TMEM132C: variants seen among roughly 807,000 people sequenced by gnomAD.
TMEM132C encodes protein phosphatase 1, regulatory subunit 152.
TMEM132C carries 29 observed loss-of-function variants against 61.4 expected under a neutral mutation model. The ratio of observed to expected loss-of-function variants is 0.47; its 90% CI spans 0.35 to 0.64. TMEM132C has a LOEUF of 0.64. TMEM132C is among the 30% of genes least tolerant of loss of function. The pLI is 0.00. For synonymous variants in TMEM132C, 656 were observed against 633.1 expected (o/e 1.04, Z -0.54); for missense variants, 1,408 against 1,476.9 (o/e 0.95, Z 0.76).
intron 2 of TMEM132C, among the ~76,000 whole-genome samples, chr12:128,501,234 G>GC (rs763011175): frequency 5.3e-5 from 8 of 152,112 alleles, no homozygotes; most frequent in Non-Finnish European, 7.4e-5. Context: ...GACTGATGCA[G>GC]CCATTCTTGT....
chr12:128,590,197 T>A (rs1030686499), intron 3 of TMEM132C, among the ~76,000 whole-genome samples: 1 of 152,174 alleles, frequency 6.6e-6, no homozygotes, highest in African/African-American at 2.4e-5. Flanking sequence ...AAGTCAGAGT[T>A]AGTGCATTCA....
At chr12:128,568,748 C>T (rs889902349) in intron 3 of TMEM132C, among the ~76,000 whole-genome samples, 2 of 152,088 alleles carry the variant, frequency 1.3e-5, no homozygotes, top group African/African-American at 2.4e-5. Flanking sequence ...GAGGTGGACG[C>T]ACAAAACAGG....
At chr12:128,628,873 T>A (rs1286675281) in intron 4 of TMEM132C, among the ~76,000 whole-genome samples, 2 of 152,250 alleles carry the variant, frequency 1.3e-5, no homozygotes, top group East Asian at 3.8e-4. Context: ...TTGTTTGGTA[T>A]ATGATTATGG....
intron 5 of TMEM132C, among the ~76,000 whole-genome samples, chr12:128,691,644 C>T (rs574630934): frequency 1.3e-5 from 2 of 152,372 alleles, no homozygotes; most frequent in African/African-American, 4.8e-5. Context: ...ACCCATTTAT[C>T]CACCAGCCAT....
intron 2 of TMEM132C, among the ~76,000 whole-genome samples, chr12:128,434,924 T>C (rs1869529978): frequency 6.6e-6 from 1 of 152,156 alleles, no homozygotes; most frequent in South Asian, 2.1e-4. Flanking sequence ...AGCCGGCCCA[T>C]ATAATTTATA....
chr12:128,573,349 A>G (rs1014738010), intron 3 of TMEM132C, among the ~76,000 whole-genome samples: 3 of 152,110 alleles, frequency 2.0e-5, no homozygotes, highest in Non-Finnish European at 2.9e-5. Flanking sequence ...AACTATCACA[A>G]GGACAGAAAA....
chr12:128,356,272 C>A (rs189435537), intron 1 of TMEM132C, among the ~76,000 whole-genome samples: 149 of 152,290 alleles, frequency 9.8e-4, no homozygotes, highest in African/African-American at 3.5e-3. Context: ...GGGATCGGAG[C>A]CCCACTGAGT....
chr12:128,671,061 G>C (rs570532793), intron 5 of TMEM132C, among the ~76,000 whole-genome samples: 1 of 152,122 alleles, frequency 6.6e-6, no homozygotes, highest in Admixed American at 6.5e-5. Flanking sequence ...GTAGGGGTTG[G>C]CAAACCATGA....
chr12:128,353,462 G>A (rs569486277), intron 1 of TMEM132C, among the ~76,000 whole-genome samples: 12 of 152,304 alleles, frequency 7.9e-5, no homozygotes, highest in Admixed American at 4.6e-4. Flanking sequence ...TCCTGGAAAT[G>A]CAGTGGCAGC....
intron 1 of TMEM132C, among the ~76,000 whole-genome samples, chr12:128,376,585 A>G (rs1043633127): frequency 3.9e-5 from 6 of 152,220 alleles, no homozygotes; most frequent in Admixed American, 6.5e-5. Flanking sequence ...GTGGATGCCA[A>G]CATGTGATGA....
chr12:128,571,891 T>C (rs550137134), intron 3 of TMEM132C, among the ~76,000 whole-genome samples: 3 of 152,334 alleles, frequency 2.0e-5, no homozygotes, highest in African/African-American at 7.2e-5. Context: ...TTCTTAGATA[T>C]AAATCAAGTG....
intron 2 of TMEM132C, among the ~76,000 whole-genome samples, chr12:128,525,089 G>C (rs868611484): frequency 2.4e-4 from 37 of 152,230 alleles, no homozygotes; most frequent in African/African-American, 8.9e-4. Context: ...TCTAAGAGAA[G>C]CCTGATGCTG....
intron 2 of TMEM132C, among the ~76,000 whole-genome samples, chr12:128,531,368 A>C (rs545517331): frequency 1.3e-5 from 2 of 152,322 alleles, no homozygotes; most frequent in African/African-American, 4.8e-5. Context: ...GATGAAAAAG[A>C]GCGCTCAATT....
intron 2 of TMEM132C, among the ~76,000 whole-genome samples, chr12:128,470,636 C>G (rs1025396029): frequency 6.6e-6 from 1 of 152,154 alleles, no homozygotes; most frequent in African/African-American, 2.4e-5. Flanking sequence ...ATGAACTACA[C>G]GCAGCTGCAT....
chr12:128,587,833 G>A (rs1175266700), intron 3 of TMEM132C, among the ~76,000 whole-genome samples: 1 of 152,154 alleles, frequency 6.6e-6, no homozygotes, highest in African/African-American at 2.4e-5. Context: ...AAAGTGAGTC[G>A]ATTTACAGAG....
chr12:128,346,843 T>G (rs967397956), intron 1 of TMEM132C, among the ~76,000 whole-genome samples: 6 of 152,322 alleles, frequency 3.9e-5, no homozygotes, highest in African/African-American at 1.4e-4. Context: ...ATTCTACTGA[T>G]CTGTATGTCT....
Position 128,705,918 on chromosome 12 carries a change from A to G in TMEM132C, c.2950A>G (p.Met984Val). The change falls in exon 9 of 9, where the codon ATG becomes GTG. Residue 984 changes from methionine to valine, a missense_variant. Physicochemically the swap from Met to Val is conservative, Grantham distance 21. Coordinates refer to ENST00000435159, the MANE Select transcript of TMEM132C (RefSeq NM_001136103.3). ...CAATGAGGCCGAACTCCTGGAGAGC[A>G]TGGGGGATGCGCCGCCGCCCCAGGA... is the stretch of plus-strand genomic sequence containing the variant. ...LGNEAELLES[M>V]GDAPPPQDEH... The G allele has an allele frequency of 1.3e-6, 2 of 1,551,416 alleles. No individual in the cohort carries two copies. Among genetic ancestry groups the G allele is most frequent in the Non-Finnish European group, 1.7e-6 (2 of 1,146,970 alleles).
intron 2 of TMEM132C, among the ~76,000 whole-genome samples, chr12:128,483,797 A>G (rs147880052): frequency 2.0e-5 from 3 of 152,160 alleles, no homozygotes; most frequent in African/African-American, 7.2e-5. Context: ...AACGTATTTC[A>G]TTGTCACTGC....
intron 2 of TMEM132C, among the ~76,000 whole-genome samples, chr12:128,447,196 C>A (rs1044433931): frequency 6.6e-6 from 1 of 152,146 alleles, no homozygotes; most frequent in Non-Finnish European, 1.5e-5. Context: ...CGCCTGTGTC[C>A]ACTTACTTAA....
Sources: gnomAD v4.1 joint callset for allele counts (sites outside exome capture counted in the v4.1 genomes callset) on GRCh38, gnomAD v4.1.1 for gene constraint, MANE v1.5 for transcripts, NCBI Gene and HGNC (gene_info 2026-07-23, HGNC 2026-07-21) for gene names.